Variants in MAGIX observed in about 807,000 individuals in gnomAD.
MAGIX encodes the protein PDZ domain-containing protein MAGIX.
MAGIX carries 13 observed loss-of-function variants against 10.0 expected under a neutral mutation model. The observed-to-expected ratio is 1.30, with a 90% CI of 0.84 to 2.06. The LOEUF is 2.06. Among genes scored for constraint, MAGIX ranks in the 30% most tolerant of loss-of-function variants. The pLI is 0.00. For missense variants in MAGIX, 235 were observed against 245.2 expected (o/e 0.96, Z 0.28); for synonymous variants, 108 against 106.8 (o/e 1.01, Z -0.07).
chrX:49,162,909 A>G lies in MAGIX; in HGVS notation c.-202+164A>G, dbSNP rs200385805. On this transcript the variant is annotated intron_variant, in intron 1 of 4. Coordinates refer to ENST00000616266, the Ensembl canonical transcript of MAGIX. The stretch of plus-strand genomic sequence containing the variant: ...CTGGCCATGGAGCCGCGCACAGGGG[A>G]CGCCGCGGACCCTAGGGGGAGCAGA... 1.3e-4 allele frequency: 111 copies of G among 855,904 alleles called. 2 individuals carry two copies. The South Asian group carries it at 3.0e-3, about 23-fold the overall frequency. The allele number at this position is 855,904 out of a possible 1,213,427, so 70.5% of individuals were successfully genotyped here.
intron 1 of MAGIX, chrX:49,163,257 TG>T: frequency 1.5e-5 from 1 of 67,669 alleles, no homozygotes; most frequent in East Asian, 3.8e-4. Flanking sequence ...CTTAGTGAAC[TG>T]GGGGGAGGGG....
Position 49,166,072 on chromosome X carries a change from A to T in MAGIX, c.503-2A>T, listed in dbSNP as rs2065364397. On this transcript the variant is annotated splice_acceptor_variant, in intron 4 of 4. Transcript: ENST00000616266. LOFTEE classifies it high-confidence loss of function. ...TACTTCACCACCCAATCTAATCCGT[A>T]GTCCCGTCATGGCCAGATCGCAGCC... is the stretch of plus-strand genomic sequence containing the variant. 1 of 1,207,861 alleles carries T rather than the reference A, an allele frequency of 8.3e-7. No homozygotes were observed. Among genetic ancestry groups the T allele is most frequent in the East Asian group, 3.0e-5 (1 of 33,757 alleles).
At chrX:49,163,827 C>T in exon 2 of MAGIX, 12 of 1,045,020 alleles carry the variant, frequency 1.1e-5, no homozygotes, top group Non-Finnish European at 1.5e-5. Context: ...CCGGCAGCTC[C>T]TGGCGCGGTT....
intron 4 of MAGIX, 124 bp downstream of exon 5, chrX:49,165,485 G>A: frequency 1.5e-6 from 1 of 653,786 alleles, no homozygotes; most frequent in East Asian, 3.6e-5. Flanking sequence ...TCTGCAAGAG[G>A]TCATGGTATT....
In MAGIX at chrX:49,162,955, C is replaced by A; in HGVS notation, c.-202+210C>A. On this transcript the variant is annotated intron_variant, in intron 1 of 4. Transcript: ENST00000616266. Reference sequence around the variant, plus strand: ...GCAGAGGAGGTACAGGGATTGGGGTCGTTGGGGAAGGACAGGGCGAGTCGC... The same window carrying A: ...GCAGAGGAGGTACAGGGATTGGGGTAGTTGGGGAAGGACAGGGCGAGTCGC... 3.2e-6 allele frequency: 2 copies of A among 628,847 alleles called. No individual in the cohort carries two copies. Among genetic ancestry groups the A allele is most frequent in the South Asian group, 5.0e-5 (1 of 20,094 alleles). The allele number at this position is 628,847 out of a possible 1,213,427, so 51.8% of individuals were successfully genotyped here.
intron 4 of MAGIX, 85 bp from the exon 6 acceptor site, chrX:49,165,989 C>T: frequency 1.0e-6 from 1 of 961,597 alleles, no homozygotes; most frequent in Non-Finnish European, 1.5e-6. Flanking sequence ...GGTCTCATCT[C>T]CCGCAGCCTT....
chrX:49,165,073 C>G, exon 3 of MAGIX: 1 of 1,204,804 alleles, frequency 8.3e-7, no homozygotes, highest in African/African-American at 1.7e-5. Context: ...CCCAGCACAG[C>G]GCTGTGGTCG....
At chrX:49,165,120 G>A (rs782544293) in intron 3 of MAGIX, 30 bp downstream of exon 4, 32 of 1,201,137 alleles carry the variant, frequency 2.7e-5, no homozygotes, top group Non-Finnish European at 3.3e-5. Flanking sequence ...CCACTGGTAG[G>A]TGCTATCCCT....
exon 5 of MAGIX, chrX:49,167,482 G>C (rs781953474): frequency 1.8e-5 from 2 of 113,675 alleles, no homozygotes; most frequent in East Asian, 2.8e-4. Context: ...TGGTCTGACG[G>C]AATGGGCAAC....
At chrX:49,162,709 C>T (rs2065337077) in exon 1 of MAGIX, 1 of 315,283 alleles carries the variant, frequency 3.2e-6, no homozygotes, top group Non-Finnish European at 5.6e-6. Flanking sequence ...AGCACTCCTC[C>T]TGGCTCCTAC....
chrX:49,166,455 G>T lies in MAGIX; in HGVS notation c.*56G>T, dbSNP rs1344212001. ...TTACCGCCCAACCTGGATCCGGCGC[G>T]TGTGGCCGCTGGGCACTTGGCACCT... On this transcript the variant is annotated 3_prime_UTR_variant, in exon 5 of 5. Transcript: ENST00000616266. 5.9e-6 allele frequency: 6 copies of T among 1,010,828 alleles called. No homozygotes were observed. The East Asian group carries it at 1.3e-4, about 23-fold the overall frequency. The allele number at this position is 1,010,828 out of a possible 1,213,427, so 83.3% of individuals were successfully genotyped here.
At chrX:49,163,828 T>C in exon 2 of MAGIX, 2 of 1,042,768 alleles carry the variant, frequency 1.9e-6, no homozygotes, top group Non-Finnish European at 2.4e-6. Flanking sequence ...CGGCAGCTCC[T>C]GGCGCGGTTG....
In MAGIX at chrX:49,164,519, T is replaced by G; in HGVS notation, c.-54-188T>G. ...ATTAAGAAGGTGGGGTCAGAACAGT[T>G]AATTTGTTTGGGCTGAGAACCTTTA... On this transcript the variant is annotated intron_variant, in intron 2 of 4. Transcript: ENST00000616266. 8.1e-6 allele frequency: 4 copies of G among 495,864 alleles called. No homozygotes were observed. In the South Asian group the frequency reaches 1.2e-4, roughly 14 times the overall value. 40.9% of individuals were successfully genotyped at this position (495,864 alleles called of 1,213,427 possible).
chrX:49,165,609 T>TG (rs1451298182), intron 4 of MAGIX: 6 of 362,508 alleles, frequency 1.7e-5, no homozygotes, highest in African/African-American at 1.1e-4. Flanking sequence ...TTCCAGGTAC[T>TG]GGGGGAAGAG....
At chrX:49,165,595 G>A (rs2065361070) in intron 4 of MAGIX, 1 of 383,299 alleles carries the variant, frequency 2.6e-6, no homozygotes, top group African/African-American at 2.6e-5. Flanking sequence ...TCAGAGGGTG[G>A]GTTTTCCAGG....
At chrX:49,166,674 G>A in exon 5 of MAGIX, 2 of 327,114 alleles carry the variant, frequency 6.1e-6, no homozygotes, top group Non-Finnish European at 1.1e-5. Flanking sequence ...GGGCTGCCCG[G>A]GCCACTCTGT....
At position 49,166,244 on chromosome X, in the gene MAGIX, C is replaced by G. The variant is rs782120333; in HGVS notation, c.673C>G (p.Pro225Ala). The G allele has an allele frequency of 9.1e-6, 11 of 1,202,624 alleles. No homozygotes were observed. In the South Asian group the frequency reaches 1.6e-4, roughly 18 times the overall value. Residue 225 changes from proline (P) to alanine (A), a missense_variant, in exon 5 of 5, where the codon CCT becomes GCT. By Grantham distance (27) the Pro-to-Ala change is conservative. Transcript: ENST00000616266. The stretch of plus-strand genomic sequence containing the variant: ...GGCCGCCGATGGCCCCACGGTTTCT[C>G]CTCCTGAGCGCCGCGCTGAGGATCC...
exon 4 of MAGIX, chrX:49,165,195 G>A: frequency 8.4e-7 from 1 of 1,192,840 alleles, no homozygotes; most frequent in Non-Finnish European, 1.1e-6. Flanking sequence ...TCCAGGTCGG[G>A]GACCTCGTGC....
exon 3 of MAGIX, chrX:49,165,031 C>T: frequency 8.3e-7 from 1 of 1,210,464 alleles, no homozygotes; most frequent in Non-Finnish European, 1.1e-6. Flanking sequence ...TGGGGACACT[C>T]CGCTGGCCGT....
Sources: gnomAD v4.1 joint callset for allele counts on GRCh38, gnomAD v4.1.1 for gene constraint, MANE v1.5 for transcripts, NCBI Gene and HGNC (gene_info 2026-07-23, HGNC 2026-07-21) for gene names.